Variants in FANCD2 observed in about 807,000 individuals in gnomAD.
FANCD2 encodes the protein FA complementation group D2.
FANCD2 carries 131 observed loss-of-function variants against 192.3 expected under a neutral mutation model. The ratio of observed to expected loss-of-function variants is 0.68; its 90% CI spans 0.59 to 0.79. The LOEUF (loss-of-function observed/expected upper bound fraction) is 0.79, where lower values mean the gene tolerates loss of function less well. FANCD2 is among the 30% of genes least tolerant of loss of function. FANCD2 has a pLI of 0.00. For synonymous variants in FANCD2, 524 were observed against 612.5 expected (o/e 0.86, Z 2.13); for missense variants, 1,508 against 1,701.6 (o/e 0.89, Z 2.00).
intron 39 of FANCD2, among the ~76,000 whole-genome samples, chr3:10,093,636 G>T (rs1267064150): frequency 6.9e-6 from 1 of 144,296 alleles, no homozygotes; most frequent in South Asian, 2.3e-4. Context: ...GGAAGGAGGA[G>T]TAGATGATTT....
Position 10,039,266 on chromosome 3 carries a change from C to T in FANCD2, c.492-13C>T, listed in dbSNP as rs1575741784. ...AAGGCTCAGTTCCCTGTTTTCTCTT[C>T]CTAACATTTTAGCAAGAACAGTGAT... On this transcript the variant is annotated splice_polypyrimidine_tract_variant and intron_variant, in intron 7 of 43. Coordinates refer to ENST00000675286, the MANE Select transcript of FANCD2 (RefSeq NM_001018115.3). The T allele has an allele frequency of 4.4e-6, 7 of 1,602,930 alleles. No individual in the cohort carries two copies. The East Asian group carries it at 1.3e-4, about 31-fold the overall frequency.
chr3:10,098,531 A>G (rs1347079414), intron 42 of FANCD2, among the ~76,000 whole-genome samples, 189 bp from the exon 43 acceptor site: 1 of 152,220 alleles, frequency 6.6e-6, no homozygotes, highest in East Asian at 1.9e-4. Context: ...TCAGGGCCAC[A>G]GACATCTCAG....
chr3:10,051,627 G>C (rs1446987990), intron 17 of FANCD2, among the ~76,000 whole-genome samples: 3 of 152,124 alleles, frequency 2.0e-5, no homozygotes, highest in Non-Finnish European at 4.4e-5. Context: ...AAAAAAAGTA[G>C]CTTGAGAAAG....
At chr3:10,088,741 T>C in intron 35 of FANCD2, 87 bp from the exon 36 acceptor site, 1 of 1,429,478 alleles carries the variant, frequency 7.0e-7, no homozygotes. Context: ...TGCTTATTGT[T>C]AATTCAGATC....
chr3:10,047,901 C>G lies in FANCD2; in HGVS notation c.1279-16C>G. ...TCCTACAGCTTCTTTTCTCTCTCTA[C>G]TCTTCCCCACTCAAGGTTCTTAAGG... On this transcript the variant is annotated splice_polypyrimidine_tract_variant and intron_variant, in intron 15 of 43. Coordinates refer to ENST00000675286, the MANE Select transcript of FANCD2 (RefSeq NM_001018115.3). 1 of 1,612,110 alleles carries G rather than the reference C, an allele frequency of 6.2e-7. No individual in the cohort carries two copies. The highest frequency in any genetic ancestry group is 2.2e-5 in the East Asian group (1 of 44,874).
rs2086921184 is a variant in FANCD2 at position 10,043,585 on chromosome 3, G to C, written c.1091G>C (p.Trp364Ser). ...IRYEKTISEAWIKAIENTASV... is the reference protein window; with the variant it reads ...IRYEKTISEASIKAIENTASV... Reference sequence around the variant, plus strand: ...TATGAGAAAACCATTTCAGAAGCCTGGATTAAGGTGAGATCTTTGGAACTT... The same window carrying C: ...TATGAGAAAACCATTTCAGAAGCCTCGATTAAGGTGAGATCTTTGGAACTT... Residue 364 changes from tryptophan to serine, a missense_variant, in exon 13 of 44, where the codon TGG (tryptophan) becomes TCG (serine). Physicochemically the swap from Trp to Ser is radical, Grantham distance 177. Around this residue, in one of 5 missense-constraint regions of FANCD2, gnomAD observed 435 missense variants for 421.9 expected, o/e 1.03. Coordinates refer to ENST00000675286, the MANE Select transcript of FANCD2 (RefSeq NM_001018115.3). The C allele has an allele frequency of 2.5e-6, 4 of 1,608,402 alleles. No homozygotes were observed. The highest frequency in any genetic ancestry group is 3.4e-6 in the Non-Finnish European group (4 of 1,174,824).
intron 1 of FANCD2, among the ~76,000 whole-genome samples, chr3:10,027,632 C>T (rs1050730474): frequency 1.5e-4 from 22 of 150,916 alleles, no homozygotes; most frequent in African/African-American, 5.4e-4. Context: ...AGGCCGGGCG[C>T]GGTTGGCTCA....
chr3:10,099,016 C>T (rs923461350), intron 43 of FANCD2: 5 of 1,612,446 alleles, frequency 3.1e-6, no homozygotes, highest in Non-Finnish European at 4.2e-6. Context: ...AGAATCACTC[C>T]TGAGTATCTC....
intron 29 of FANCD2, among the ~76,000 whole-genome samples, chr3:10,075,728 CTTTTT>C (rs71052292): frequency 9.4e-6 from 1 of 106,616 alleles, no homozygotes; most frequent in African/African-American, 3.7e-5. Context: ...AAATAGTATC[CTTTTT>C]TTTTTTTTTT....
At chr3:10,030,606 A>G (rs994590290) in intron 2 of FANCD2, among the ~76,000 whole-genome samples, 1 of 152,130 alleles carries the variant, frequency 6.6e-6, no homozygotes, top group African/African-American at 2.4e-5. Flanking sequence ...TGATTTAGAA[A>G]CGGAAACTGT....
At chr3:10,088,972 G>A (rs1195419819) in intron 36 of FANCD2, 22 bp downstream of exon 36, 1 of 1,613,462 alleles carries the variant, frequency 6.2e-7, no homozygotes, top group Admixed American at 1.7e-5. Flanking sequence ...CTTTCCTCCA[G>A]TTTTTCCCTT....
At position 10,054,397 on chromosome 3, in the gene FANCD2, G is replaced by A. The variant is rs1168947268; in HGVS notation, c.1656+1900G>A. Reference sequence around the variant, plus strand: ...TATATACATATATATATGTATATACGTATATGTATATACGTATATACATAT... The same window carrying A: ...TATATACATATATATATGTATATACATATATGTATATACGTATATACATAT... On this transcript the variant is annotated intron_variant, in intron 18 of 43. Transcript: ENST00000675286. Among the ~76,000 whole-genome samples, 61 of 79,226 alleles carry A rather than the reference G, an allele frequency of 7.7e-4. 1 individual carries two copies. Among genetic ancestry groups the A allele is most frequent in the African/African-American group, 3.3e-3 (47 of 14,232 alleles). 52.0% of individuals were successfully genotyped at this position (79,226 alleles called of 152,430 possible).
At chr3:10,054,795 T>A (rs1393508380) in intron 18 of FANCD2, among the ~76,000 whole-genome samples, 1 of 151,606 alleles carries the variant, frequency 6.6e-6, no homozygotes, top group African/African-American at 2.4e-5. Context: ...AACCATCATA[T>A]TTTTTATCTT....
intron 40 of FANCD2, 33 bp downstream of exon 40, chr3:10,094,396 A>C: frequency 6.4e-7 from 1 of 1,560,158 alleles, no homozygotes; most frequent in South Asian, 1.1e-5. Context: ...AAAGATATGC[A>C]CTGAAGAGTT....
chr3:10,059,793 G>C (rs1297180871), intron 18 of FANCD2, among the ~76,000 whole-genome samples: 2 of 150,630 alleles, frequency 1.3e-5, no homozygotes, highest in South Asian at 4.2e-4. Context: ...GTGACAGAGC[G>C]AGACTCCTTC....
intron 38 of FANCD2, among the ~76,000 whole-genome samples, 160 bp from the exon 39 acceptor site, chr3:10,093,125 A>T (rs1416589389): frequency 6.6e-6 from 1 of 152,118 alleles, no homozygotes; most frequent in African/African-American, 2.4e-5. Flanking sequence ...AGTTGTGATA[A>T]TTACTTTATT....
intron 7 of FANCD2, among the ~76,000 whole-genome samples, chr3:10,038,549 T>A (rs1212183153): frequency 1.3e-5 from 2 of 151,902 alleles, no homozygotes; most frequent in Non-Finnish European, 2.9e-5. Context: ...CTAATTTGAC[T>A]TTCTATGTTC....
chr3:10,061,701 A>C (rs542909846), intron 19 of FANCD2, among the ~76,000 whole-genome samples: 2 of 152,310 alleles, frequency 1.3e-5, no homozygotes, highest in African/African-American at 4.8e-5. Context: ...AAAAGAAAAA[A>C]ATATATAGGA....
Position 10,098,819 on chromosome 3 carries a change from T to C in FANCD2, c.4281+4T>C. ...CTCCAAGAGCAAAGCCACTGAGGTA[T>C]CTCTACAAAACCCACCAGAGTCTGG... is the stretch of plus-strand genomic sequence containing the variant. On this transcript the variant is annotated splice_donor_region_variant and intron_variant, in intron 43 of 43. Transcript: ENST00000675286. 1 of 1,614,178 alleles carries C rather than the reference T, an allele frequency of 6.2e-7. No individual in the cohort carries two copies. The highest frequency in any genetic ancestry group is 2.2e-5 in the East Asian group (1 of 44,868).
Sources: gnomAD v4.1 joint callset for allele counts (sites outside exome capture counted in the v4.1 genomes callset) on GRCh38, gnomAD v4.1.1 for gene constraint, gnomAD v4.1.1 regional missense constraint, MANE v1.5 for transcripts, NCBI Gene and HGNC (gene_info 2026-07-23, HGNC 2026-07-21) for gene names.